STON2: variants seen among roughly 807,000 people sequenced by gnomAD.
STON2 encodes stonin 2.
In STON2, 29 loss-of-function variants were observed where a neutral mutation model predicts 65.7. The observed-to-expected ratio is 0.44, with a 90% CI of 0.33 to 0.60. The LOEUF is 0.60. STON2 is among the 20% of genes least tolerant of loss of function. The pLI is 0.03. For synonymous variants in STON2, 404 were observed against 414.2 expected, an observed-to-expected ratio of 0.98 and a Z score of 0.30; for missense variants, 1,054 against 1,118.1, an observed-to-expected ratio of 0.94 and a Z score of 0.82.
At chr14:81,329,026 C>T (rs569555834) in intron 4 of STON2, among the ~76,000 whole-genome samples, 27 of 152,076 alleles carry the variant, frequency 1.8e-4, no homozygotes, top group Non-Finnish European at 3.7e-4. Flanking sequence ...AAATAGACTA[C>T]GATGTTGAAG....
At chr14:81,430,631 A>T (rs1047521584) in intron 1 of STON2, among the ~76,000 whole-genome samples, 7 of 152,216 alleles carry the variant, frequency 4.6e-5, no homozygotes, top group African/African-American at 7.2e-5. Flanking sequence ...ATGTATCTAT[A>T]GAATTTTGGT....
intron 7 of STON2, chr14:81,269,460 G>A (rs191491369): frequency 6.1e-6 from 6 of 985,426 alleles, no homozygotes; most frequent in Non-Finnish European, 7.2e-6. Flanking sequence ...CGAAATCTTT[G>A]ATAGCTCAGG....
At chr14:81,371,676 T>TCAAAAAAAAAAAAAAA (rs58782661) in intron 3 of STON2, among the ~76,000 whole-genome samples, 4 of 97,664 alleles carry the variant, frequency 4.1e-5, no homozygotes, top group East Asian at 4.8e-4. Context: ...AGACTGAGTC[T>TCAAAAAAAAAAAAAAA]AAAAAAAAAA....
intron 1 of STON2, chr14:81,436,214 G>C (rs1390016784): frequency 2.6e-5 from 4 of 151,604 alleles, no homozygotes; most frequent in Non-Finnish European, 5.9e-5. Context: ...CTAGGACCTC[G>C]CGGCCGGCCC....
At chr14:81,280,969 C>T (rs1175381080) in intron 5 of STON2, among the ~76,000 whole-genome samples, 1 of 148,898 alleles carries the variant, frequency 6.7e-6, no homozygotes, top group African/African-American at 2.5e-5. Flanking sequence ...CGAGATGGCG[C>T]TACTGCACTC....
Position 81,277,927 on chromosome 14 carries a change from A to G in STON2, c.1555T>C (p.Tyr519His), listed in dbSNP as rs1894926366. The G allele has an allele frequency of 6.2e-7, 1 of 1,614,042 alleles. No homozygotes were observed. Residue 519 changes from tyrosine to histidine, a missense_variant, in exon 6 of 8, where the codon TAT becomes CAT. Physicochemically the swap from Tyr to His is moderately conservative, Grantham distance 83. Transcript: ENST00000614646. ...KLTDTGYLQL[Y>H]YEQGLEKPFR... ...GGTTTTTCTAGGCCCTGCTCATAAT[A>G]CAGCTGCAGGTAACCAGTGTCTGTC...
At chr14:81,389,408 C>A (rs892392889) in intron 3 of STON2, among the ~76,000 whole-genome samples, 1 of 152,168 alleles carries the variant, frequency 6.6e-6, no homozygotes, top group Admixed American at 6.5e-5. Flanking sequence ...TTGCGTTATC[C>A]ATGCTAAAAA....
chr14:81,268,415 C>T lies in STON2; in HGVS notation c.2867G>A (p.Ter956=). ...AGGATTCCTTGCCGCAAGGCTTTGT[C>T]ACTGCACTCCACACTCCTTGGGATT... ...MENPKECGVQ[*] is the part of the protein sequence containing the mutation. The change falls in exon 8 of 8, where the codon TGA becomes TAA. Residue 956 remains the stop codon, a stop_retained_variant. Transcript: ENST00000614646. 7.8e-7 allele frequency: 1 copy of T among 1,289,590 alleles called. No homozygotes were observed. The highest frequency in any genetic ancestry group is 1.0e-6 in the Non-Finnish European group (1 of 988,704). 79.9% of individuals were successfully genotyped at this position (1,289,590 alleles called of 1,614,324 possible).
intron 5 of STON2, among the ~76,000 whole-genome samples, chr14:81,316,171 G>A (rs1383760001): frequency 2.0e-5 from 3 of 152,164 alleles, no homozygotes; most frequent in Non-Finnish European, 4.4e-5. Context: ...ATGAGGTTAT[G>A]ATCCCTCATT....
At chr14:81,311,586 T>C (rs910858504) in intron 5 of STON2, among the ~76,000 whole-genome samples, 3 of 152,154 alleles carry the variant, frequency 2.0e-5, no homozygotes, top group Admixed American at 6.6e-5. Flanking sequence ...CCACATAAAA[T>C]TGACGAAAAT....
At chr14:81,312,798 T>C (rs1350317759) in intron 5 of STON2, among the ~76,000 whole-genome samples, 2 of 152,250 alleles carry the variant, frequency 1.3e-5, no homozygotes, top group African/African-American at 4.8e-5. Context: ...AACTGGTAAT[T>C]TTTTGAAAGC....
intron 5 of STON2, chr14:81,323,374 TAC>T (rs1193863899): frequency 6.6e-6 from 1 of 152,216 alleles, no homozygotes; most frequent in Non-Finnish European, 1.5e-5. Flanking sequence ...CAACACACTA[TAC>T]AAAGATCTCA....
Position 81,264,797 on chromosome 14 carries a change from G to C in STON2, c.*3617C>G, listed in dbSNP as rs1255405471. The C allele has an allele frequency of 3.0e-6, 3 of 985,260 alleles. No homozygotes were observed. The highest frequency in any genetic ancestry group is 1.2e-6 in the Non-Finnish European group (1 of 829,934). The allele number at this position is 985,260 out of a possible 1,614,324, so 61.0% of individuals were successfully genotyped here. Reference sequence around the variant, plus strand: ...TAATATGAATGAAATGCAAACTTTTGATAAGGAATAACTAGTACTATGTCT... The same window carrying C: ...TAATATGAATGAAATGCAAACTTTTCATAAGGAATAACTAGTACTATGTCT... On this transcript the variant is annotated 3_prime_UTR_variant, in exon 8 of 8. Transcript: ENST00000614646.
At chr14:81,278,803 G>A in intron 5 of STON2, 64 bp from the exon 6 acceptor site, 7 of 1,291,226 alleles carry the variant, frequency 5.4e-6, no homozygotes, top group Non-Finnish European at 7.3e-6. Flanking sequence ...GAAAACTGAA[G>A]TATAGGAATG....
Position 81,430,148 on chromosome 14 carries a change from C to T in STON2, c.-309-2936G>A, listed in dbSNP as rs371558036. Among the ~76,000 whole-genome samples the T allele has an allele frequency of 4.6e-5, 7 of 152,258 alleles. No individual in the cohort carries two copies. In the East Asian group the frequency reaches 1.4e-3, roughly 29 times the overall value. The stretch of plus-strand genomic sequence containing the variant: ...TCCATCCAGCCCGGAGTAGCTGCTC[C>T]TCCCTGAACCTTCCCAGCCCAGCAC... On this transcript the variant is annotated intron_variant, in intron 1 of 8. Coordinates refer to the STON2 transcript ENST00000553821.
intron 5 of STON2, among the ~76,000 whole-genome samples, chr14:81,284,564 T>A (rs768376482): frequency 6.6e-6 from 1 of 152,222 alleles, no homozygotes; most frequent in Non-Finnish European, 1.5e-5. Context: ...AGAAGCCATT[T>A]CCATAGCATA....
chr14:81,263,741 G>C lies in STON2; in HGVS notation c.*4673C>G. The C allele has an allele frequency of 1.0e-6, 1 of 985,188 alleles. No homozygotes were observed. Among genetic ancestry groups the C allele is most frequent in the Non-Finnish European group, 1.2e-6 (1 of 829,822 alleles). The allele number at this position is 985,188 out of a possible 1,614,324, so 61.0% of individuals were successfully genotyped here. A position where few individuals can be genotyped will look rare whatever the true frequency, so the allele number is the denominator to read the frequency against. ...TAACATATAATCCTCATTTTTAGAA[G>C]AGTTAAAGTTACCACTCGAACTGGG... On this transcript the variant is annotated 3_prime_UTR_variant, in exon 8 of 8. Transcript: ENST00000614646.
intron 5 of STON2, among the ~76,000 whole-genome samples, chr14:81,295,319 C>T (rs1017027777): frequency 2.0e-5 from 3 of 151,816 alleles, no homozygotes; most frequent in Non-Finnish European, 4.4e-5. Context: ...AGCAAGACTC[C>T]ATCTCAAAAA....
intron 5 of STON2, among the ~76,000 whole-genome samples, chr14:81,310,339 C>T (rs1298771836): frequency 6.6e-6 from 1 of 152,174 alleles, no homozygotes; most frequent in Non-Finnish European, 1.5e-5. Flanking sequence ...TTGTCATACA[C>T]TTCTTCTCTT....
Sources: gnomAD v4.1 joint callset for allele counts (sites outside exome capture counted in the v4.1 genomes callset) on GRCh38, gnomAD v4.1.1 for gene constraint, MANE v1.5 for transcripts, NCBI Gene and HGNC (gene_info 2026-07-23, HGNC 2026-07-21) for gene names.